The following PKHD1 variants were observed in gnomAD, a reference collection of about 807,000 sequenced individuals.
The protein encoded by PKHD1 is PKHD1 ciliary IPT domain containing fibrocystin/polyductin.
Under a neutral mutation model 412.0 loss-of-function variants are expected in PKHD1, and 291 were observed. The ratio of observed to expected loss-of-function variants is 0.71; its 90% CI spans 0.64 to 0.78. The LOEUF is 0.78. Among genes scored for constraint, PKHD1 ranks in the 30% least tolerant of loss-of-function variants. PKHD1 has a pLI of 0.00. For missense variants in PKHD1, 4,825 were observed against 4,950.7 expected (o/e 0.97, Z 0.76); for synonymous variants, 1,777 against 1,821.5 (o/e 0.98, Z 0.62).
intron 50 of PKHD1, among the ~76,000 whole-genome samples, chr6:51,837,411 T>C (rs1407701791): frequency 1.3e-5 from 2 of 152,104 alleles, no homozygotes; most frequent in East Asian, 3.9e-4. Context: ...TCTTTCTAAA[T>C]ATAAAACATA....
rs10671492 is a variant in PKHD1, at chr6:51,976,944, T to TAAAAAAAAAAAAA, written c.5752-16931_5752-16919dup. Among the ~76,000 whole-genome samples the TAAAAAAAAAAAAA allele has an allele frequency of 3.6e-3, 332 of 93,498 alleles. 3 individuals are homozygous for TAAAAAAAAAAAAA. Among genetic ancestry groups the TAAAAAAAAAAAAA allele is most frequent in the Non-Finnish European group, 4.6e-3 (233 of 51,026 alleles). The allele number at this position is 93,498 out of a possible 152,430, so 61.3% of individuals were successfully genotyped here. A position where few individuals can be genotyped will look rare whatever the true frequency, so the allele number is the denominator to read the frequency against. On this transcript the variant is annotated intron_variant, in intron 35 of 66. Coordinates refer to ENST00000371117, the MANE Select transcript of PKHD1 (RefSeq NM_138694.4). Reference sequence around the variant, plus strand: ...GCCTGGGTGATAGAGTGAGACTCCATAAAAAAAAAAAAAAAAAAAACCTGA... The same window carrying TAAAAAAAAAAAAA: ...GCCTGGGTGATAGAGTGAGACTCCATAAAAAAAAAAAAAAAAAAAAAAAAAAAAAAAAACCTGA...
chr6:51,919,816 G>C (rs920159547), intron 37 of PKHD1, among the ~76,000 whole-genome samples: 2 of 152,176 alleles, frequency 1.3e-5, no homozygotes, highest in African/African-American at 4.8e-5. Flanking sequence ...GAGCAGTGGG[G>C]TTTGTAGTTC....
intron 32 of PKHD1, 104 bp from the exon 33 acceptor site, chr6:52,023,048 C>T (rs904968409): frequency 1.2e-5 from 16 of 1,339,922 alleles, no homozygotes; most frequent in South Asian, 2.4e-5. Context: ...TTCTTCTTTT[C>T]ACATCCTCAG....
chr6:51,981,487 C>A (rs1466254737), intron 35 of PKHD1, among the ~76,000 whole-genome samples: 4 of 151,934 alleles, frequency 2.6e-5, no homozygotes, highest in African/African-American at 4.8e-5. Flanking sequence ...CACTGGTTTT[C>A]GTTTTTTTTT....
intron 64 of PKHD1, among the ~76,000 whole-genome samples, chr6:51,637,892 A>G (rs1365047791): frequency 4.6e-5 from 7 of 152,130 alleles, no homozygotes; most frequent in Non-Finnish European, 1.0e-4. Context: ...TGACAGAGTG[A>G]GATTCCATCT....
At chr6:51,692,110 C>A (rs1204110808) in intron 60 of PKHD1, among the ~76,000 whole-genome samples, 1 of 152,124 alleles carries the variant, frequency 6.6e-6, no homozygotes, top group Non-Finnish European at 1.5e-5. Flanking sequence ...ACTTAATGCT[C>A]AAATAAGTAT....
chr6:51,994,702 C>T (rs998074862), intron 35 of PKHD1, among the ~76,000 whole-genome samples: 5 of 152,148 alleles, frequency 3.3e-5, no homozygotes, highest in Non-Finnish European at 7.3e-5. Flanking sequence ...CCACCTCAGA[C>T]TCCCGAGTAG....
In PKHD1 at chr6:52,046,161, T is replaced by C. The variant is rs768295891; in HGVS notation, c.2435A>G (p.His812Arg). 1.2e-6 allele frequency: 2 copies of C among 1,613,620 alleles called. No individual in the cohort carries two copies. The highest frequency in any genetic ancestry group is 1.7e-5 in the Admixed American group (1 of 60,006). ...SDVPVQISAH[H>R]LHQLLQNNAD... ...ATTATTCTGTAAGAGCTGGTGAAGG[T>C]GATGAGCAGAAATTTGTACAGGGAC... is the stretch of plus-strand genomic sequence containing the variant. The change falls in exon 24 of 67, where the codon CAC (histidine) becomes CGC (arginine). Residue 812 changes from histidine to arginine, a missense_variant. Coordinates refer to ENST00000371117, the MANE Select transcript of PKHD1 (RefSeq NM_138694.4).
rs1196662703 is a variant in PKHD1 at position 52,022,795 on chromosome 6, A to T, written c.5380+6T>A. On this transcript the variant is annotated splice_donor_region_variant and intron_variant, in intron 33 of 66. Transcript: ENST00000371117. ...TAAAATATATGTGTGTGGCATCTTT[A>T]CTCACCATCCAGGGGCAGAACCAAG... 10 of 1,613,664 alleles carry T rather than the reference A, an allele frequency of 6.2e-6. No homozygotes were observed. Among genetic ancestry groups the T allele is most frequent in the Non-Finnish European group, 8.5e-6 (10 of 1,179,756 alleles).
chr6:51,946,279 G>T (rs1051606783), intron 36 of PKHD1, among the ~76,000 whole-genome samples: 1 of 152,252 alleles, frequency 6.6e-6, no homozygotes, highest in South Asian at 2.1e-4. Context: ...ATTAACTCCT[G>T]CTAAAAAGCA....
At chr6:51,841,312 C>A (rs1467424228) in intron 50 of PKHD1, among the ~76,000 whole-genome samples, 1 of 152,218 alleles carries the variant, frequency 6.6e-6, no homozygotes, top group Non-Finnish European at 1.5e-5. Flanking sequence ...CATTGCGGAG[C>A]ATTAACTCCT....
At chr6:51,627,179 A>C in intron 65 of PKHD1, 63 bp from the exon 66 acceptor site, 9 of 1,511,656 alleles carry the variant, frequency 6.0e-6, no homozygotes, top group Non-Finnish European at 8.3e-6. Context: ...ATCAGCATTT[A>C]GGTGTTTCCC....
intron 57 of PKHD1, among the ~76,000 whole-genome samples, chr6:51,749,116 G>A (rs963928944): frequency 6.6e-6 from 1 of 152,182 alleles, no homozygotes; most frequent in Non-Finnish European, 1.5e-5. Flanking sequence ...CTGCACAAAT[G>A]AATATTAAGC....
chr6:51,983,387 T>C (rs968405385), intron 35 of PKHD1, among the ~76,000 whole-genome samples: 2 of 152,192 alleles, frequency 1.3e-5, no homozygotes, highest in East Asian at 1.9e-4. Context: ...CATAATCATA[T>C]CACAGTGTGT....
At chr6:52,073,013 C>T (rs1196258200) in intron 7 of PKHD1, among the ~76,000 whole-genome samples, 1 of 152,194 alleles carries the variant, frequency 6.6e-6, no homozygotes, top group Non-Finnish European at 1.5e-5. Flanking sequence ...ACATTAAAAG[C>T]TCTATGGCTT....
intron 10 of PKHD1, among the ~76,000 whole-genome samples, chr6:52,070,036 T>C (rs1222265714): frequency 6.6e-6 from 1 of 152,210 alleles, no homozygotes; most frequent in Non-Finnish European, 1.5e-5. Context: ...TGTGATAAAA[T>C]GTGGACCCCT....
At chr6:51,842,481 A>G (rs1292433365) in intron 50 of PKHD1, among the ~76,000 whole-genome samples, 1 of 152,162 alleles carries the variant, frequency 6.6e-6, no homozygotes, top group South Asian at 2.1e-4. Context: ...TTATTAGAAG[A>G]AGGCTGTGTG....
intron 35 of PKHD1, among the ~76,000 whole-genome samples, chr6:51,976,563 G>A (rs190647640): frequency 5.0e-4 from 76 of 152,312 alleles, no homozygotes; most frequent in African/African-American, 1.7e-3. Flanking sequence ...ACGGATGCTC[G>A]TGACGGTTAC....
chr6:51,697,312 T>C (rs1778919720), intron 60 of PKHD1, among the ~76,000 whole-genome samples: 1 of 152,246 alleles, frequency 6.6e-6, no homozygotes, highest in Non-Finnish European at 1.5e-5. Flanking sequence ...TTGTGTTAGA[T>C]TAGCATTTAT....
Sources: allele counts gnomAD v4.1 joint callset (sites outside exome capture counted in the v4.1 genomes callset), GRCh38; gene constraint gnomAD v4.1.1; transcripts MANE v1.5; gene names NCBI Gene and HGNC (gene_info 2026-07-23, HGNC 2026-07-21).